The following TECRL variants were observed in gnomAD, a reference collection of about 807,000 sequenced individuals.
TECRL encodes the protein trans-2,3-enoyl-CoA reductase like.
Under a neutral mutation model 52.8 loss-of-function variants are expected in TECRL, and 63 were observed. The observed-to-expected ratio is 1.19, with a 90% CI of 0.97 to 1.47. The LOEUF (loss-of-function observed/expected upper bound fraction) is 1.47, where lower values mean the gene tolerates loss of function less well. Among genes scored for constraint, TECRL ranks in the 40% most tolerant of loss-of-function variants. TECRL has a pLI of 0.00. For missense variants in TECRL, 482 were observed against 429.6 expected, an observed-to-expected ratio of 1.12 and a Z score of -1.08; for synonymous variants, 164 against 141.9, an observed-to-expected ratio of 1.16 and a Z score of -1.10.
intron 7 of TECRL, 40 bp from the exon 8 acceptor site, chr4:64,300,057 A>G: frequency 6.7e-7 from 1 of 1,489,520 alleles, no homozygotes; most frequent in Non-Finnish European, 9.1e-7. Context: ...AGATACTCAT[A>G]GTTTGGATTG....
At chr4:64,286,470 C>T (rs1000696722) in intron 9 of TECRL, among the ~76,000 whole-genome samples, 1 of 151,702 alleles carries the variant, frequency 6.6e-6, no homozygotes, top group African/African-American at 2.4e-5. Context: ...GTGTAACCCC[C>T]CTATACTCCA....
chr4:64,351,699 CA>C (rs758791932), intron 2 of TECRL, among the ~76,000 whole-genome samples: 1 of 152,074 alleles, frequency 6.6e-6, no homozygotes, highest in Non-Finnish European at 1.5e-5. Flanking sequence ...ACGTGTACTC[CA>C]TGAATATGTA....
At chr4:64,402,937 C>T (rs1039777538) in intron 1 of TECRL, among the ~76,000 whole-genome samples, 3 of 152,086 alleles carry the variant, frequency 2.0e-5, no homozygotes, top group African/African-American at 7.2e-5. Flanking sequence ...TCTAGTTAAA[C>T]TCAATGAATA....
chr4:64,309,935 GA>G lies in TECRL; in HGVS notation c.552-5del, dbSNP rs577970051. 1.8e-4 allele frequency: 278 copies of G among 1,524,800 alleles called. No homozygotes were observed. The highest frequency in any genetic ancestry group is 4.2e-4 in the Admixed American group (21 of 50,600). 94.5% of individuals were successfully genotyped at this position (1,524,800 alleles called of 1,614,324 possible). ...ACAATGACAGAAGCAAGCCAAGCTG[GA>G]AAAAAAAATAAAACATAAACATGAA... On this transcript the variant is annotated splice_region_variant and splice_polypyrimidine_tract_variant and intron_variant, in intron 5 of 11. Transcript: ENST00000381210.
chr4:64,375,691 A>G (rs1320353477), intron 1 of TECRL, among the ~76,000 whole-genome samples: 1 of 151,912 alleles, frequency 6.6e-6, no homozygotes, highest in Non-Finnish European at 1.5e-5. Context: ...TCCCCTACTG[A>G]CATTATTTAA....
intron 3 of TECRL, among the ~76,000 whole-genome samples, chr4:64,327,074 C>T (rs188538520): frequency 1.7e-3 from 253 of 151,854 alleles, no homozygotes; most frequent in Middle Eastern, 6.8e-3. Context: ...TTTAGTTCTG[C>T]CATATAAAAG....
Position 64,379,833 on chromosome 4 carries a change from T to G in TECRL, c.235-4610A>C, listed in dbSNP as rs575523858. Among the ~76,000 whole-genome samples, 46 of 152,268 alleles carry G rather than the reference T, an allele frequency of 3.0e-4. No homozygotes were observed. In the South Asian group the frequency reaches 9.1e-3, roughly 30 times the overall value. On this transcript the variant is annotated intron_variant, in intron 1 of 11. Transcript: ENST00000381210. Reference sequence around the variant, plus strand: ...GCTGCAAATAGTTGATTCTATAGCTTGGTTATTGTGAATAGTGTTGCAATA... The same window carrying G: ...GCTGCAAATAGTTGATTCTATAGCTGGGTTATTGTGAATAGTGTTGCAATA...
chr4:64,351,776 C>A (rs76242243), intron 2 of TECRL, among the ~76,000 whole-genome samples: 1 of 152,000 alleles, frequency 6.6e-6, no homozygotes, highest in Non-Finnish European at 1.5e-5. Context: ...TAATAAAAAG[C>A]GTGGCAGTCT....
intron 3 of TECRL, among the ~76,000 whole-genome samples, chr4:64,324,014 T>C (rs910566967): frequency 6.6e-6 from 1 of 152,146 alleles, no homozygotes; most frequent in Non-Finnish European, 1.5e-5. Context: ...ATTGTTTGTG[T>C]ATTCAGCATG....
At chr4:64,280,730 G>A (rs1444250457) in intron 11 of TECRL, among the ~76,000 whole-genome samples, 1 of 152,122 alleles carries the variant, frequency 6.6e-6, no homozygotes, top group Non-Finnish European at 1.5e-5. Context: ...ACATACACAT[G>A]CCTGTGCACA....
chr4:64,379,504 G>C (rs1448434433), intron 1 of TECRL, among the ~76,000 whole-genome samples: 2 of 151,916 alleles, frequency 1.3e-5, no homozygotes, highest in Non-Finnish European at 2.9e-5. Flanking sequence ...CTTTCTTCTA[G>C]CTATTTTGAA....
chr4:64,381,896 G>A (rs907062432), intron 1 of TECRL, among the ~76,000 whole-genome samples: 3 of 151,804 alleles, frequency 2.0e-5, no homozygotes, highest in Admixed American at 1.3e-4. Context: ...CGTGTGTGTG[G>A]GGGGATGTGT....
chr4:64,340,383 G>C (rs894280392), intron 2 of TECRL, among the ~76,000 whole-genome samples: 9 of 152,202 alleles, frequency 5.9e-5, no homozygotes, highest in Admixed American at 1.3e-4. Context: ...AGGCCCCGCT[G>C]CCTTCACAGG....
At chr4:64,297,368 T>A (rs1723747260) in intron 8 of TECRL, among the ~76,000 whole-genome samples, 3 of 151,238 alleles carry the variant, frequency 2.0e-5, no homozygotes, top group Admixed American at 6.6e-5. Context: ...GAATAATACT[T>A]TCTTCATCTT....
intron 8 of TECRL, among the ~76,000 whole-genome samples, chr4:64,296,028 A>T (rs2109963612): frequency 1.3e-5 from 2 of 152,082 alleles, no homozygotes; most frequent in South Asian, 4.1e-4. Flanking sequence ...AGAGTACTAG[A>T]CTTTGTTTTC....
chr4:64,297,897 C>A (rs1723777010), intron 8 of TECRL, among the ~76,000 whole-genome samples: 1 of 151,006 alleles, frequency 6.6e-6, no homozygotes, highest in Admixed American at 6.6e-5. Context: ...TAACAGTAAA[C>A]ACTACTAAGA....
intron 2 of TECRL, among the ~76,000 whole-genome samples, chr4:64,344,675 A>G (rs1170392861): frequency 1.3e-5 from 2 of 152,236 alleles, no homozygotes; most frequent in African/African-American, 4.8e-5. Flanking sequence ...TAATGGCTTT[A>G]AGGCTTTGAA....
chr4:64,392,672 C>T (rs576371401), intron 1 of TECRL, among the ~76,000 whole-genome samples: 1 of 152,066 alleles, frequency 6.6e-6, no homozygotes, highest in African/African-American at 2.4e-5. Flanking sequence ...CTGTCAGCTT[C>T]ACAAGCTTTC....
At chr4:64,320,726 C>G (rs1386079966) in intron 4 of TECRL, among the ~76,000 whole-genome samples, 1 of 152,034 alleles carries the variant, frequency 6.6e-6, no homozygotes, top group Non-Finnish European at 1.5e-5. Flanking sequence ...TAAATGTGGA[C>G]AAAGACCCTG....
Sources: gnomAD v4.1 joint callset for allele counts (sites outside exome capture counted in the v4.1 genomes callset) on GRCh38, gnomAD v4.1.1 for gene constraint, MANE v1.5 for transcripts, NCBI Gene and HGNC (gene_info 2026-07-23, HGNC 2026-07-21) for gene names.